Variants in PLCZ1 observed in about 807,000 individuals in gnomAD.
PLCZ1 encodes the protein 1-phosphatidylinositol 4,5-bisphosphate phosphodiesterase zeta-1.
PLCZ1 carries 64 observed loss-of-function variants against 76.8 expected under a neutral mutation model. The observed-to-expected ratio is 0.83, with a 90% CI of 0.68 to 1.03. PLCZ1 has a LOEUF of 1.03. PLCZ1 is among the 50% of genes least tolerant of loss of function. The pLI, the probability that PLCZ1 is intolerant of heterozygous loss-of-function variation, is 0.00. For missense variants in PLCZ1, 751 were observed against 713.7 expected, an observed-to-expected ratio of 1.05 and a Z score of -0.60; for synonymous variants, 248 against 230.8, an observed-to-expected ratio of 1.07 and a Z score of -0.68.
At chr12:18,708,791 G>C (rs1218306138) in intron 6 of PLCZ1, among the ~76,000 whole-genome samples, 7 of 152,040 alleles carry the variant, frequency 4.6e-5, no homozygotes, top group Non-Finnish European at 5.9e-5. Context: ...TCATATACTT[G>C]TTGGCCATTT....
At chr12:18,650,714 ATATATAT>A in the PLCZ1 span, among the ~76,000 whole-genome samples, 1 of 3,584 alleles carries the variant, frequency 2.8e-4, no homozygotes, top group Non-Finnish European at 6.7e-4. Flanking sequence ...GTATATATCT[ATATATAT>A]ATATATATAT....
chr12:18,686,035 C>T (rs1385400792), intron 13 of PLCZ1, among the ~76,000 whole-genome samples: 1 of 151,950 alleles, frequency 6.6e-6, no homozygotes, highest in Non-Finnish European at 1.5e-5. Context: ...TATCCTTTTC[C>T]TCCCAGACTC....
the PLCZ1 span, among the ~76,000 whole-genome samples, chr12:18,661,241 T>C: frequency 6.6e-6 from 1 of 152,014 alleles, no homozygotes; most frequent in Non-Finnish European, 1.5e-5. Context: ...TTTGAAGAAA[T>C]AGTACCCCAA....
rs915231981 is a variant in PLCZ1, at chr12:18,736,688, C to G, written c.12-344G>C. On this transcript the variant is annotated intron_variant, in intron 2 of 14. Coordinates refer to ENST00000266505, the MANE Select transcript of PLCZ1 (RefSeq NM_033123.4). ...AGGCAGCTAGACTTCAAGATCGCCT[C>G]TCACCTGACCTCTCTGTTTTAGTTC... is the stretch of plus-strand genomic sequence containing the variant. 23 of 1,290,330 alleles carry G rather than the reference C, an allele frequency of 1.8e-5. No homozygotes were observed. The Admixed American group carries it at 5.3e-4, about 30-fold the overall frequency. The allele number at this position is 1,290,330 out of a possible 1,614,324, so 79.9% of individuals were successfully genotyped here.
chr12:18,656,003 G>A, the PLCZ1 span, among the ~76,000 whole-genome samples: 25 of 152,272 alleles, frequency 1.6e-4, no homozygotes, highest in South Asian at 6.2e-4. Context: ...GTGGACTTTA[G>A]CTAATAACAA....
intron 3 of PLCZ1, among the ~76,000 whole-genome samples, chr12:18,730,547 C>G (rs908250269): frequency 6.6e-5 from 10 of 152,024 alleles, no homozygotes; most frequent in Non-Finnish European, 4.4e-5. Flanking sequence ...AACTCTGTGT[C>G]TCTAATTTTT....
chr12:18,730,242 G>GA (rs1161406657), intron 3 of PLCZ1, among the ~76,000 whole-genome samples: 1 of 150,820 alleles, frequency 6.6e-6, no homozygotes, highest in Non-Finnish European at 1.5e-5. Flanking sequence ...CATAAAATGA[G>GA]AAAAAATTAG....
the PLCZ1 span, among the ~76,000 whole-genome samples, chr12:18,653,737 A>G: frequency 6.6e-6 from 1 of 152,204 alleles, no homozygotes. Flanking sequence ...AAAGACACTC[A>G]TTATTAGAGT....
chr12:18,705,360 A>G (rs1432171420), intron 6 of PLCZ1, 45 bp from the exon 7 acceptor site: 1 of 1,606,058 alleles, frequency 6.2e-7, no homozygotes, highest in Non-Finnish European at 8.5e-7. Context: ...AAACTTCTAA[A>G]TAATTGTAAG....
At chr12:18,702,144 T>C (rs1027475626) in intron 7 of PLCZ1, among the ~76,000 whole-genome samples, 6 of 152,062 alleles carry the variant, frequency 3.9e-5, no homozygotes, top group Non-Finnish European at 8.8e-5. Flanking sequence ...ACGCTTCAGC[T>C]CATCATTTTC....
At chr12:18,719,023 T>C (rs1958276766) in intron 5 of PLCZ1, among the ~76,000 whole-genome samples, 1 of 152,200 alleles carries the variant, frequency 6.6e-6, no homozygotes, top group South Asian at 2.1e-4. Context: ...ATTTATGTGT[T>C]GGCTTTAGTT....
intron 6 of PLCZ1, 84 bp from the exon 7 acceptor site, chr12:18,705,399 TA>T (rs1243473441): frequency 6.6e-7 from 1 of 1,509,936 alleles, no homozygotes; most frequent in African/African-American, 1.4e-5. Context: ...TAATGTATTT[TA>T]AAACTTACTT....
At chr12:18,694,653 T>G (rs1013909251) in intron 12 of PLCZ1, among the ~76,000 whole-genome samples, 1 of 152,124 alleles carries the variant, frequency 6.6e-6, no homozygotes, top group African/African-American at 2.4e-5. Flanking sequence ...TGAAATCATA[T>G]AGTAGAACTT....
chr12:18,676,973 C>G, the PLCZ1 span, among the ~76,000 whole-genome samples: 1 of 152,076 alleles, frequency 6.6e-6, no homozygotes, highest in Non-Finnish European at 1.5e-5. Flanking sequence ...ACATCTGGTT[C>G]AAACAACTTT....
chr12:18,652,209 G>A, the PLCZ1 span, among the ~76,000 whole-genome samples: 5 of 152,040 alleles, frequency 3.3e-5, no homozygotes, highest in African/African-American at 7.2e-5. Flanking sequence ...TTAAGATGAG[G>A]TCATATGGAG....
In PLCZ1 at chr12:18,705,298, C is replaced by T. The variant is rs1956461220; in HGVS notation, c.732G>A (p.Val244=). 6 of 1,613,966 alleles carry T rather than the reference C, an allele frequency of 3.7e-6. No individual in the cohort carries two copies. The highest frequency in any genetic ancestry group is 5.1e-6 in the Non-Finnish European group (6 of 1,180,008). Residue 244 remains valine (V), a synonymous_variant, in exon 7 of 15, where the codon GTG becomes GTA. Coordinates refer to ENST00000266505, the MANE Select transcript of PLCZ1 (RefSeq NM_033123.4). ...AGCAGTGATTTTCTAAAGAGAGCAC[C>T]ACTGGGTAGTCAGATGTCTAAAAAA... ...KYAFMTSDYP[V]VLSLENHCST...
chr12:18,653,142 A>G, the PLCZ1 span, among the ~76,000 whole-genome samples: 2 of 152,122 alleles, frequency 1.3e-5, no homozygotes, highest in Admixed American at 6.6e-5. Context: ...CTGGCTACTA[A>G]TATCATAAAA....
At chr12:18,721,000 A>G (rs1427472071) in intron 4 of PLCZ1, among the ~76,000 whole-genome samples, 1 of 152,140 alleles carries the variant, frequency 6.6e-6, no homozygotes, top group Admixed American at 6.6e-5. Context: ...TGAAATTTTT[A>G]TAGGTATACA....
chr12:18,653,312 T>G, the PLCZ1 span, among the ~76,000 whole-genome samples: 1 of 152,116 alleles, frequency 6.6e-6, no homozygotes, highest in Non-Finnish European at 1.5e-5. Context: ...AAAACTCCAG[T>G]GATAAAAGTA....
Sources: allele counts gnomAD v4.1 joint callset (sites outside exome capture counted in the v4.1 genomes callset), GRCh38; gene constraint gnomAD v4.1.1; transcripts MANE v1.5; gene names NCBI Gene and HGNC (gene_info 2026-07-23, HGNC 2026-07-21).